TRPC3: variants seen among roughly 807,000 people sequenced by gnomAD.
TRPC3 encodes short transient receptor potential channel 3.
In TRPC3, 54 loss-of-function variants were observed where a neutral mutation model predicts 90.9. That is an observed-to-expected ratio of 0.59 (90% CI 0.48 to 0.75). The LOEUF (loss-of-function observed/expected upper bound fraction) is 0.75. Among genes scored for constraint, TRPC3 ranks in the 30% least tolerant of loss-of-function variants. The pLI is 0.00. For missense variants in TRPC3, 918 were observed against 1,194.5 expected (o/e 0.77, Z 3.41); for synonymous variants, 424 against 450.9 (o/e 0.94, Z 0.75).
chr4:121,930,830 TAAAA>T (rs71599162), intron 2 of TRPC3: 705 of 203,134 alleles, frequency 3.5e-3, no homozygotes, highest in East Asian at 6.6e-3. Context: ...CTCTGAGATC[TAAAA>T]AAAAAAAAAA....
At chr4:121,926,689 G>T (rs1418398714) in intron 2 of TRPC3, among the ~76,000 whole-genome samples, 5 of 152,292 alleles carry the variant, frequency 3.3e-5, no homozygotes, top group African/African-American at 1.2e-4. Flanking sequence ...TTACAGGCAT[G>T]AGTCACCGCA....
At chr4:121,915,069 G>A in intron 3 of TRPC3, 125 bp from the exon 4 acceptor site, 1 of 766,990 alleles carries the variant, frequency 1.3e-6, no homozygotes, top group Non-Finnish European at 1.9e-6. Context: ...CTAGCATATT[G>A]GTACTGGAAG....
In TRPC3 at chr4:121,879,178, C is replaced by T. The variant is rs1727855179; in HGVS notation, c.*558G>A. 6.8e-6 allele frequency: 1 copy of T among 147,564 alleles called. No individual in the cohort carries two copies. Among genetic ancestry groups the T allele is most frequent in the Non-Finnish European group, 1.5e-5 (1 of 67,472 alleles). 9.1% of individuals were successfully genotyped at this position (147,564 alleles called of 1,614,324 possible). ...AGGATTATCAGTGACACCTAAAATT[C>T]TAAGAATGTCTTACCAAGTCATAGC... On this transcript the variant is annotated 3_prime_UTR_variant, in exon 12 of 12. Coordinates refer to ENST00000379645, the MANE Select transcript of TRPC3 (RefSeq NM_001130698.2).
intron 1 of TRPC3, chr4:121,950,754 G>T (rs1578666528): frequency 6.6e-6 from 1 of 152,306 alleles, no homozygotes; most frequent in Non-Finnish European, 1.5e-5. Flanking sequence ...CCTGGGAACC[G>T]CAGTCAAAGT....
chr4:121,878,702 T>C lies in TRPC3; in HGVS notation c.*1034A>G, dbSNP rs1332866919. Among the ~76,000 whole-genome samples the C allele has an allele frequency of 6.6e-6, 1 of 152,224 alleles. No individual in the cohort carries two copies. Among genetic ancestry groups the C allele is most frequent in the African/African-American group, 2.4e-5 (1 of 41,460 alleles). On this transcript the variant is annotated 3_prime_UTR_variant, in exon 12 of 12. Transcript: ENST00000379645. ...GGAATCCTTTGATAAGAAACAAAGA[T>C]GTCAATCATTGTAAGCAACGATGGC... is the stretch of plus-strand genomic sequence containing the variant.
At position 121,932,924 on chromosome 4, in the gene TRPC3, C is replaced by A. The variant is rs199670427; in HGVS notation, c.334G>T (p.Glu112Ter). The A allele has an allele frequency of 6.2e-7, 1 of 1,614,054 alleles. No individual in the cohort carries two copies. The highest frequency in any genetic ancestry group is 1.1e-5 in the South Asian group (1 of 91,066). Residue 112 changes from glutamate to a stop codon, truncating the protein, a stop_gained, in exon 2 of 12, where the codon GAG becomes TAG. Transcript: ENST00000379645. LOFTEE classifies it high-confidence loss of function. This position sits in a 1 kb window ranked among gnomAD's most constrained non-coding sequence, Gnocchi z 7.7. ...FNDRGTSLTA[E>*]EERFLDAAEY... ...GCGGCGTCGAGGAAGCGCTCCTCCT[C>A]GGCGGTGAGGCTGGTGCCGCGGTCA... is the stretch of plus-strand genomic sequence containing the variant.
At chr4:121,892,618 G>A (rs988915653) in intron 10 of TRPC3, among the ~76,000 whole-genome samples, 50 of 152,006 alleles carry the variant, frequency 3.3e-4, no homozygotes, top group African/African-American at 1.1e-3. Flanking sequence ...TGTATGTGGT[G>A]GTTTTGTGAG....
intron 9 of TRPC3, 135 bp downstream of exon 9, chr4:121,902,717 G>T: frequency 3.1e-6 from 2 of 648,196 alleles, no homozygotes; most frequent in Non-Finnish European, 5.1e-6. Context: ...ATTAGTCTGT[G>T]AAAGACTGTG....
chr4:121,930,730 A>T, intron 2 of TRPC3: 1 of 331,788 alleles, frequency 3.0e-6, no homozygotes, highest in South Asian at 2.4e-5. Context: ...TGTTTTAATT[A>T]CTGTTTCAAA....
chr4:121,942,522 T>C (rs1213729761), intron 1 of TRPC3, among the ~76,000 whole-genome samples: 2 of 152,164 alleles, frequency 1.3e-5, no homozygotes, highest in Admixed American at 6.5e-5. Context: ...TGAGCCAAGA[T>C]TGCGCTGCTG....
At chr4:121,892,700 A>G (rs1728370539) in intron 10 of TRPC3, among the ~76,000 whole-genome samples, 1 of 152,180 alleles carries the variant, frequency 6.6e-6, no homozygotes. Context: ...GAATACACAA[A>G]AGACCTAATA....
At chr4:121,941,408 G>A (rs1304893635) in intron 1 of TRPC3, among the ~76,000 whole-genome samples, 3 of 152,152 alleles carry the variant, frequency 2.0e-5, no homozygotes, top group Admixed American at 6.5e-5. Context: ...GTGCTAACCA[G>A]CCAGGATCCT....
chr4:121,897,453 C>CAAA (rs70950860), intron 10 of TRPC3, among the ~76,000 whole-genome samples: 2 of 43,434 alleles, frequency 4.6e-5, no homozygotes, highest in East Asian at 7.6e-4. Flanking sequence ...ATCTCAACAG[C>CAAA]AAAAAAAAAA....
chr4:121,901,334 G>T (rs1384444896), intron 9 of TRPC3, among the ~76,000 whole-genome samples: 1 of 152,188 alleles, frequency 6.6e-6, no homozygotes, highest in East Asian at 1.9e-4. Context: ...CACAGCTGAA[G>T]GTACACCTCG....
Position 121,911,949 on chromosome 4 carries a change from G to A in TRPC3, c.1486C>T (p.Pro496Ser). Residue 496 changes from proline (P) to serine (S), a missense_variant, in exon 5 of 12, where the codon CCC becomes TCC. By Grantham distance (74) the Pro-to-Ser change is moderately conservative (BLOSUM62 -1). Transcript: ENST00000379645. The part of the protein sequence containing the change: ...TLPNITVTDY[P>S]KQIFRVKTTQ... Reference sequence around the variant, plus strand: ...GTTTTCACCCTGAAGATCTGTTTGGGATAGTCAGTAACTGTGATATTGGGC... The same window carrying A: ...GTTTTCACCCTGAAGATCTGTTTGGAATAGTCAGTAACTGTGATATTGGGC... The A allele has an allele frequency of 1.2e-6, 2 of 1,613,888 alleles. No individual in the cohort carries two copies. Among genetic ancestry groups the A allele is most frequent in the Non-Finnish European group, 1.7e-6 (2 of 1,179,854 alleles).
Position 121,932,780 on chromosome 4 carries a change from G to C in TRPC3, c.478C>G (p.Leu160Val), listed in dbSNP as rs1240306939. The change falls in exon 2 of 12, where the codon CTG becomes GTG. Residue 160 changes from leucine to valine, a missense_variant. Physicochemically the swap from Leu to Val is conservative, Grantham distance 32 (BLOSUM62 1). Coordinates refer to ENST00000379645, the MANE Select transcript of TRPC3 (RefSeq NM_001130698.2). The surrounding 1 kb of genome is among the most constrained non-coding windows in gnomAD (Gnocchi z 7.7). ...TTGAGCAGCAGCTCGGTCACCTCCA[G>C]GTGCTCGTTGCCCACAGCCAGCTGC... ...ALQLAVGNEH[L>V]EVTELLLKKE... The C allele has an allele frequency of 6.2e-7, 1 of 1,612,438 alleles. No homozygotes were observed. The highest frequency in any genetic ancestry group is 1.3e-5 in the African/African-American group (1 of 74,942).
intron 1 of TRPC3, among the ~76,000 whole-genome samples, chr4:121,950,301 CA>C (rs1730668609): frequency 6.6e-6 from 1 of 152,240 alleles, no homozygotes; most frequent in Non-Finnish European, 1.5e-5. Flanking sequence ...CCTGGGGATG[CA>C]GGGGTCATCC....
chr4:121,933,746 G>A lies in TRPC3; in HGVS notation c.216-704C>T, dbSNP rs556697090. 2.8e-4 allele frequency among the ~76,000 whole-genome samples: 42 copies of A among 152,178 alleles called. No homozygotes were observed. In the South Asian group the frequency reaches 8.3e-3, roughly 30 times the overall value. On this transcript the variant is annotated intron_variant, in intron 1 of 11. Coordinates refer to ENST00000379645, the MANE Select transcript of TRPC3 (RefSeq NM_001130698.2). ...CCACCTCAGCCTCCCAAGTAGCTAG[G>A]ACTACAGGCACATGCCACTTGCCCC...
chr4:121,948,189 A>AC (rs1730558630), intron 1 of TRPC3, among the ~76,000 whole-genome samples: 2 of 150,692 alleles, frequency 1.3e-5, no homozygotes, highest in Non-Finnish European at 3.0e-5. Flanking sequence ...AAAAAAAAAA[A>AC]AACAAAAAGA....
Sources: gnomAD v4.1 joint callset for allele counts (sites outside exome capture counted in the v4.1 genomes callset) on GRCh38, gnomAD v4.1.1 for gene constraint, Gnocchi (gnomAD v3.1) non-coding constraint, MANE v1.5 for transcripts, NCBI Gene and HGNC (gene_info 2026-07-23, HGNC 2026-07-21) for gene names.